Variants in PTPRD observed in about 807,000 individuals in gnomAD.
PTPRD encodes the protein protein tyrosine phosphatase receptor type D.
A neutral mutation model predicts 214.5 loss-of-function variants in PTPRD; 34 were observed. The observed-to-expected ratio is 0.16, with a 90% CI of 0.12 to 0.21. The LOEUF (loss-of-function observed/expected upper bound fraction) is 0.21, where lower values mean the gene tolerates loss of function less well. PTPRD is among the 10% of genes least tolerant of loss of function. The pLI is 1.00. For missense variants in PTPRD, 2,545 were observed against 2,398.7 expected, an observed-to-expected ratio of 1.06 and a Z score of -1.27; for synonymous variants, 1,128 against 845.7, an observed-to-expected ratio of 1.33 and a Z score of -5.79.
chr9:10,020,646 A>G (rs2096830905), intron 4 of PTPRD, among the ~76,000 whole-genome samples: 1 of 15,878 alleles, frequency 6.3e-5, no homozygotes, highest in Non-Finnish European at 1.3e-4. Flanking sequence ...ATCCCTGCCC[A>G]CTTATGAATC....
intron 33 of PTPRD, among the ~76,000 whole-genome samples, chr9:8,450,125 A>G (rs1013315789): frequency 1.3e-5 from 2 of 152,192 alleles, no homozygotes; most frequent in Non-Finnish European, 2.9e-5. Flanking sequence ...TTGGTGAGAT[A>G]CGCATGGACC....
rs570764277 is a variant in PTPRD at position 8,333,971 on chromosome 9, G to A, written c.5380-2235C>T. Among the ~76,000 whole-genome samples, 258 of 152,100 alleles carry A rather than the reference G, an allele frequency of 1.7e-3. 2 individuals are homozygous for A. In the Middle Eastern group the frequency reaches 0.034, roughly 20 times the overall value. On this transcript the variant is annotated intron_variant, in intron 43 of 45. Coordinates refer to ENST00000381196, the MANE Select transcript of PTPRD (RefSeq NM_002839.4). ...CATAATGGCAAAGGGATCAATGAAC[G>A]AAGAAGAGTTAACTATCCTAAATAT...
chr9:10,018,561 T>C (rs2096774739), intron 4 of PTPRD, among the ~76,000 whole-genome samples: 1 of 126,736 alleles, frequency 7.9e-6, no homozygotes, highest in South Asian at 3.1e-4. Flanking sequence ...TTTTTTTTTT[T>C]TTTTGAGACG....
intron 8 of PTPRD, among the ~76,000 whole-genome samples, chr9:9,536,081 G>A (rs1450068248): frequency 6.6e-6 from 1 of 152,008 alleles, no homozygotes; most frequent in Admixed American, 6.6e-5. Context: ...AACAGTATCT[G>A]TTACTGTTAC....
intron 16 of PTPRD, 45 bp from the exon 17 acceptor site, chr9:8,526,689 A>G: frequency 6.5e-7 from 1 of 1,529,328 alleles, no homozygotes; most frequent in Non-Finnish European, 8.9e-7. Flanking sequence ...AAGAAGAAGC[A>G]TTAGTACGAG....
At chr9:9,277,237 T>C (rs1234825250) in intron 9 of PTPRD, among the ~76,000 whole-genome samples, 2 of 151,452 alleles carry the variant, frequency 1.3e-5, no homozygotes, top group African/African-American at 4.8e-5. Context: ...ATTCCCTATG[T>C]TTTTGAATAT....
chr9:8,523,554 C>T, intron 18 of PTPRD, 30 bp from the exon 19 acceptor site: 1 of 1,611,892 alleles, frequency 6.2e-7, no homozygotes, highest in Non-Finnish European at 8.5e-7. Context: ...TGATGCAGAA[C>T]ACAATGAAAT....
chr9:9,724,403 A>G (rs2154434655), intron 7 of PTPRD, among the ~76,000 whole-genome samples: 1 of 152,304 alleles, frequency 6.6e-6, no homozygotes, highest in Non-Finnish European at 1.5e-5. Flanking sequence ...TGTGCTTAAT[A>G]GGCCTTTGCC....
intron 11 of PTPRD, among the ~76,000 whole-genome samples, chr9:9,016,472 T>C: frequency 6.6e-6 from 1 of 152,144 alleles, no homozygotes. Flanking sequence ...ATTTGAGATT[T>C]ACATGAGAGA....
chr9:8,396,137 A>G (rs531712328), intron 36 of PTPRD, among the ~76,000 whole-genome samples: 1 of 152,252 alleles, frequency 6.6e-6, no homozygotes, highest in Admixed American at 6.5e-5. Flanking sequence ...CAGTCTCCTC[A>G]TCACTAATAT....
rs530404259 is a variant in PTPRD, at chr9:10,410,955, T to C, written c.-599-69938A>G. Among the ~76,000 whole-genome samples, 3 of 151,926 alleles carry C rather than the reference T, an allele frequency of 2.0e-5. No individual in the cohort carries two copies. In the South Asian group the frequency reaches 6.2e-4, roughly 31 times the overall value. On this transcript the variant is annotated intron_variant, in intron 2 of 45. Coordinates refer to ENST00000381196, the MANE Select transcript of PTPRD (RefSeq NM_002839.4). Reference sequence around the variant, plus strand: ...AGCTTTTCCAGGCATCAGTTCCTTATCAATAATATGGGGCTGAGTTTTATT... The same window carrying C: ...AGCTTTTCCAGGCATCAGTTCCTTACCAATAATATGGGGCTGAGTTTTATT...
chr9:9,154,377 T>C (rs2099879419), intron 10 of PTPRD, among the ~76,000 whole-genome samples: 1 of 152,052 alleles, frequency 6.6e-6, no homozygotes, highest in South Asian at 2.1e-4. Flanking sequence ...CAAGAGAAAG[T>C]TGCTGAAAGG....
At chr9:8,558,665 C>T (rs946000460) in intron 14 of PTPRD, among the ~76,000 whole-genome samples, 44 of 152,134 alleles carry the variant, frequency 2.9e-4, no homozygotes, top group African/African-American at 8.5e-4. Flanking sequence ...TTGTACAAAC[C>T]GTTATCTAAT....
At chr9:9,080,944 G>A (rs374739938) in intron 10 of PTPRD, among the ~76,000 whole-genome samples, 5 of 151,940 alleles carry the variant, frequency 3.3e-5, no homozygotes, top group Admixed American at 2.0e-4. Flanking sequence ...CAAAAAAACA[G>A]CTCCTGGATT....
intron 9 of PTPRD, among the ~76,000 whole-genome samples, chr9:9,335,037 A>C (rs1428205083): frequency 6.6e-6 from 1 of 152,058 alleles, no homozygotes; most frequent in Admixed American, 6.6e-5. Context: ...ACCTGTCTCT[A>C]TACTCTTAAT....
intron 14 of PTPRD, among the ~76,000 whole-genome samples, chr9:8,596,298 A>C (rs1301973051): frequency 1.3e-5 from 2 of 152,226 alleles, no homozygotes; most frequent in South Asian, 2.1e-4. Context: ...TATATGGATA[A>C]ATATACGCAT....
intron 27 of PTPRD, among the ~76,000 whole-genome samples, chr9:8,487,078 TTCA>T (rs1448682864): frequency 5.3e-5 from 8 of 152,224 alleles, no homozygotes; most frequent in Admixed American, 5.2e-4. Context: ...ATCCACATCA[TTCA>T]TCAAGTTCTT....
chr9:10,286,345 G>C (rs768497899), intron 3 of PTPRD, among the ~76,000 whole-genome samples: 3 of 152,124 alleles, frequency 2.0e-5, no homozygotes, highest in African/African-American at 7.2e-5. Context: ...AGGAAGTTGA[G>C]GCAGGAGGAT....
At chr9:8,833,630 T>C (rs1223623870) in intron 11 of PTPRD, among the ~76,000 whole-genome samples, 1 of 150,952 alleles carries the variant, frequency 6.6e-6, no homozygotes, top group Non-Finnish European at 1.5e-5. Flanking sequence ...CAGTGAATGA[T>C]GCAATCTTAA....
Sources: allele counts gnomAD v4.1 joint callset (sites outside exome capture counted in the v4.1 genomes callset), GRCh38; gene constraint gnomAD v4.1.1; transcripts MANE v1.5; gene names NCBI Gene and HGNC (gene_info 2026-07-23, HGNC 2026-07-21).